The following UGT1A8 variants were observed in gnomAD, a reference collection of about 807,000 sequenced individuals.
UGT1A8 encodes the protein UDP glucuronosyltransferase family 1 member A8.
Under a neutral mutation model 45.3 loss-of-function variants are expected in UGT1A8, and 39 were observed. The observed-to-expected ratio is 0.86, with a 90% CI of 0.67 to 1.12. The LOEUF (loss-of-function observed/expected upper bound fraction) is 1.12, where lower values mean the gene tolerates loss of function less well. UGT1A8 is among the 50% of genes most tolerant of loss of function. UGT1A8 has a pLI of 0.00. For synonymous variants in UGT1A8, 275 were observed against 249.2 expected (o/e 1.10, Z -0.97); for missense variants, 719 against 664.9 (o/e 1.08, Z -0.90).
chr2:233,755,381 T>A (rs759849144), intron 1 of UGT1A8: 1 of 348,720 alleles, frequency 2.9e-6, no homozygotes, highest in Non-Finnish European at 5.6e-6. Flanking sequence ...GGCCGCCCCT[T>A]ATGACGCAGC....
At chr2:233,627,624 T>TCTTTCTTCCTTCCTTC (rs2073108388) in intron 1 of UGT1A8, among the ~76,000 whole-genome samples, 1 of 111,934 alleles carries the variant, frequency 8.9e-6, no homozygotes, top group South Asian at 3.8e-4. Context: ...TTCCTTCCTT[T>TCTTTCTTCCTTCCTTC]CTTCCTTCCT....
intron 1 of UGT1A8, chr2:233,747,360 G>A: frequency 6.2e-7 from 1 of 1,603,748 alleles, no homozygotes; most frequent in Non-Finnish European, 8.5e-7. Context: ...GGCCGTGCGG[G>A]AGCTCCATGC....
chr2:233,682,730 GT>G (rs1559340015), intron 1 of UGT1A8: 1 of 1,613,822 alleles, frequency 6.2e-7, no homozygotes, highest in Admixed American at 1.7e-5. Flanking sequence ...TCCCAAACCC[GT>G]GATGCCCAAT....
At chr2:233,659,396 A>G (rs1272892823) in intron 1 of UGT1A8, among the ~76,000 whole-genome samples, 1 of 152,224 alleles carries the variant, frequency 6.6e-6, no homozygotes, top group Non-Finnish European at 1.5e-5. Flanking sequence ...TGTGTTATAT[A>G]CTGTATTATT....
chr2:233,720,312 A>G (rs1277563393), intron 1 of UGT1A8, among the ~76,000 whole-genome samples: 1 of 152,106 alleles, frequency 6.6e-6, no homozygotes, highest in African/African-American at 2.4e-5. Context: ...CTGGTGTATG[A>G]TGTGGGGACA....
intron 1 of UGT1A8, among the ~76,000 whole-genome samples, chr2:233,725,932 G>A (rs2077483924): frequency 6.6e-6 from 1 of 152,164 alleles, no homozygotes. Context: ...TTGGGAGACT[G>A]ATGCAGGAGG....
intron 1 of UGT1A8, among the ~76,000 whole-genome samples, chr2:233,637,755 A>G (rs544809334): frequency 2.8e-4 from 43 of 152,320 alleles, no homozygotes; most frequent in African/African-American, 9.6e-4. Context: ...TATTTTAGGC[A>G]TATGCAATAT....
intron 1 of UGT1A8, chr2:233,713,248 A>T (rs1380028747): frequency 1.2e-6 from 2 of 1,614,260 alleles, no homozygotes; most frequent in Non-Finnish European, 1.7e-6. Context: ...TCATGGACCC[A>T]GGACGAATTT....
At chr2:233,638,389 T>C (rs2073360339) in intron 1 of UGT1A8, among the ~76,000 whole-genome samples, 1 of 152,218 alleles carries the variant, frequency 6.6e-6, no homozygotes, top group African/African-American at 2.4e-5. Flanking sequence ...GCCACATCAC[T>C]AACTTTTCTT....
At position 233,769,958 on chromosome 2, in the gene UGT1A8, G is replaced by T. The variant is rs1575848035; in HGVS notation, c.1295+1519G>T. 1 of 216,598 alleles carries T rather than the reference G, an allele frequency of 4.6e-6. No individual in the cohort carries two copies. The highest frequency in any genetic ancestry group is 1.1e-4 in the South Asian group (1 of 9,406). The allele number at this position is 216,598 out of a possible 1,614,324, so 13.4% of individuals were successfully genotyped here. On this transcript the variant is annotated intron_variant, in intron 4 of 4. Coordinates refer to ENST00000373450, the MANE Select transcript of UGT1A8 (RefSeq NM_019076.5). The surrounding 1 kb of genome is among the most constrained non-coding windows in gnomAD (Gnocchi z 4.4). Reference sequence around the variant, plus strand: ...TTCCTTCCTTCCAGCGGCTTCTTCTGGCCACCTCAATGTCAGGATGTCCTG... The same window carrying T: ...TTCCTTCCTTCCAGCGGCTTCTTCTTGCCACCTCAATGTCAGGATGTCCTG...
intron 1 of UGT1A8, chr2:233,729,744 A>G: frequency 1.2e-6 from 2 of 1,613,946 alleles, no homozygotes; most frequent in South Asian, 2.2e-5. Context: ...ACCACATGAC[A>G]TTCATGCAAA....
intron 1 of UGT1A8, among the ~76,000 whole-genome samples, chr2:233,724,884 G>A (rs1223856006): frequency 8.2e-5 from 11 of 134,350 alleles, no homozygotes; most frequent in Admixed American, 1.5e-4. Context: ...CGGAGATCAC[G>A]CCACTGCACT....
chr2:233,647,392 G>A (rs1037143542), intron 1 of UGT1A8, among the ~76,000 whole-genome samples: 1 of 152,080 alleles, frequency 6.6e-6, no homozygotes, highest in African/African-American at 2.4e-5. Flanking sequence ...TGGTAATGTT[G>A]GTCTCACAGA....
chr2:233,621,640 G>C (rs1218319281), intron 1 of UGT1A8, among the ~76,000 whole-genome samples: 2 of 151,992 alleles, frequency 1.3e-5, no homozygotes, highest in Admixed American at 1.3e-4. Flanking sequence ...ATCAATCTTA[G>C]GTTAAATAAT....
chr2:233,663,589 C>T (rs1559330237), intron 1 of UGT1A8, among the ~76,000 whole-genome samples: 1 of 152,090 alleles, frequency 6.6e-6, no homozygotes, highest in Non-Finnish European at 1.5e-5. Context: ...CTGCATGAAT[C>T]CTAAACCATA....
Position 233,772,475 on chromosome 2 carries a change from C to T in UGT1A8, c.1509C>T (p.Thr503=), listed in dbSNP as rs190427553. ...TCGTGCTGACAGTGGCCTTCATCAC[C>T]TTTAAATGTTGTGCTTATGGCTACC... ...LAVVLTVAFI[T]FKCCAYGYRK... is the part of the protein sequence containing the mutation. The change falls in exon 5 of 5, where the codon ACC becomes ACT. Residue 503 remains threonine (T), a synonymous_variant. Transcript: ENST00000373450. 20 of 1,614,018 alleles carry T rather than the reference C, an allele frequency of 1.2e-5. No individual in the cohort carries two copies. The highest frequency in any genetic ancestry group is 5.3e-5 in the African/African-American group (4 of 74,894).
chr2:233,756,969 C>T (rs1044581590), intron 1 of UGT1A8, among the ~76,000 whole-genome samples: 2 of 151,840 alleles, frequency 1.3e-5, no homozygotes, highest in African/African-American at 2.4e-5. Context: ...TTGGTAAGCA[C>T]GCAATGAACA....
At chr2:233,672,389 A>T in intron 1 of UGT1A8, 2 of 1,614,098 alleles carry the variant, frequency 1.2e-6, no homozygotes, top group South Asian at 2.2e-5. Context: ...CCTTTTGATA[A>T]CTGTGGCTTA....
intron 1 of UGT1A8, among the ~76,000 whole-genome samples, chr2:233,659,489 G>T (rs1167198868): frequency 6.6e-6 from 1 of 152,132 alleles, no homozygotes; most frequent in Non-Finnish European, 1.5e-5. Context: ...GAGAAAAAAT[G>T]TATTAAGTAT....
Sources: allele counts gnomAD v4.1 joint callset (sites outside exome capture counted in the v4.1 genomes callset), GRCh38; gene constraint gnomAD v4.1.1; non-coding constraint Gnocchi (gnomAD v3.1); transcripts MANE v1.5; gene names NCBI Gene and HGNC (gene_info 2026-07-23, HGNC 2026-07-21).